The following GABBR2 variants were observed in gnomAD, a reference collection of about 807,000 sequenced individuals.
GABBR2 encodes G-protein coupled receptor 51.
In GABBR2, 23 loss-of-function variants were observed where a neutral mutation model predicts 105.6. That is an observed-to-expected ratio of 0.22 (90% confidence interval 0.16 to 0.31). The LOEUF is 0.31. Among genes scored for constraint, GABBR2 ranks in the 10% least tolerant of loss-of-function variants. GABBR2 has a pLI of 1.00. For synonymous variants in GABBR2, 478 were observed against 499.7 expected, an observed-to-expected ratio of 0.96 and a Z score of 0.58; for missense variants, 734 against 1,245.5, an observed-to-expected ratio of 0.59 and a Z score of 6.18.
At chr9:98,397,594 T>C (rs1832316897) in intron 8 of GABBR2, among the ~76,000 whole-genome samples, 2 of 152,342 alleles carry the variant, frequency 1.3e-5, no homozygotes, top group South Asian at 4.1e-4. Flanking sequence ...GTGGGCTCTA[T>C]GTGAAGTTCC....
chr9:98,607,988 T>C, intron 1 of GABBR2: 3 of 1,290,312 alleles, frequency 2.3e-6, no homozygotes, highest in Non-Finnish European at 3.3e-6. Flanking sequence ...TGAAAAGGAA[T>C]TTGGAAGCAC....
In GABBR2 at chr9:98,463,255, C is replaced by G. The variant is rs1826456294; in HGVS notation, c.1000-9038G>C. Among the ~76,000 whole-genome samples the G allele has an allele frequency of 2.0e-5, 3 of 152,148 alleles. No homozygotes were observed. The South Asian group carries it at 6.2e-4, about 32-fold the overall frequency. On this transcript the variant is annotated intron_variant, in intron 6 of 18. Coordinates refer to ENST00000259455, the MANE Select transcript of GABBR2 (RefSeq NM_005458.8). The stretch of plus-strand genomic sequence containing the variant: ...CTGAGAGAAATTAAAGAAGACCTAA[C>G]TAAATGCAGGGATATACACAATTCA...
At chr9:98,395,680 C>T (rs921928036) in intron 8 of GABBR2, among the ~76,000 whole-genome samples, 5 of 152,088 alleles carry the variant, frequency 3.3e-5, no homozygotes, top group Admixed American at 1.3e-4. Flanking sequence ...TGTCACATGC[C>T]ACAGAGAGGC....
intron 13 of GABBR2, among the ~76,000 whole-genome samples, chr9:98,346,267 C>G (rs55713623): frequency 0.014 from 2,115 of 152,358 alleles, 30 homozygotes; most frequent in Middle Eastern, 0.02. Context: ...TCAATCCTCT[C>G]AAACCCTGCT....
chr9:98,294,491 C>T (rs570484523), intron 17 of GABBR2, among the ~76,000 whole-genome samples: 1 of 151,888 alleles, frequency 6.6e-6, no homozygotes, highest in African/African-American at 2.4e-5. Flanking sequence ...TGTTCAACCT[C>T]GGCATCTTTT....
intron 7 of GABBR2, among the ~76,000 whole-genome samples, chr9:98,441,779 G>T (rs1346174714): frequency 6.6e-6 from 1 of 152,074 alleles, no homozygotes; most frequent in Non-Finnish European, 1.5e-5. Flanking sequence ...CATTGAATTT[G>T]TACACTTAAA....
At chr9:98,522,292 T>C (rs1827882973) in intron 3 of GABBR2, among the ~76,000 whole-genome samples, 1 of 151,960 alleles carries the variant, frequency 6.6e-6, no homozygotes, top group Non-Finnish European at 1.5e-5. Flanking sequence ...TTGATATTTC[T>C]AAAAAAGATA....
intron 1 of GABBR2, among the ~76,000 whole-genome samples, chr9:98,620,269 C>CTCTT (rs10693334): frequency 6.6e-6 from 1 of 150,662 alleles, no homozygotes; most frequent in Non-Finnish European, 1.5e-5. Flanking sequence ...CTCTCTCTCT[C>CTCTT]CCCGCTCCCA....
chr9:98,373,603 C>G (rs1831822706), intron 11 of GABBR2, among the ~76,000 whole-genome samples: 1 of 152,188 alleles, frequency 6.6e-6, no homozygotes, highest in Non-Finnish European at 1.5e-5. Context: ...GCTGACCAAC[C>G]TGTAACACCC....
At chr9:98,567,457 CTG>C (rs1828768098) in intron 2 of GABBR2, among the ~76,000 whole-genome samples, 1 of 152,000 alleles carries the variant, frequency 6.6e-6, no homozygotes, top group African/African-American at 2.4e-5. Flanking sequence ...TTCGCCTCTC[CTG>C]TAAGTTCTCT....
chr9:98,503,224 G>C (rs1451251225), intron 3 of GABBR2, among the ~76,000 whole-genome samples: 1 of 152,200 alleles, frequency 6.6e-6, no homozygotes, highest in Non-Finnish European at 1.5e-5. Flanking sequence ...CCTGTGACGG[G>C]AGGGAGCTGG....
In GABBR2 at chr9:98,686,117, C is replaced by T. The variant is rs577458521; in HGVS notation, c.321+22300G>A. On this transcript the variant is annotated intron_variant, in intron 1 of 18. Transcript: ENST00000259455. Reference sequence around the variant, plus strand: ...AAGCTGTCTTAGCTAGAAACCTTCACCCTTGATATCTGATCAAATCCTCAT... The same window carrying T: ...AAGCTGTCTTAGCTAGAAACCTTCATCCTTGATATCTGATCAAATCCTCAT... 3.3e-5 allele frequency among the ~76,000 whole-genome samples: 5 copies of T among 152,252 alleles called. No homozygotes were observed. The East Asian group carries it at 9.6e-4, about 29-fold the overall frequency.
chr9:98,447,818 G>C (rs1826163313), intron 7 of GABBR2, among the ~76,000 whole-genome samples: 1 of 151,986 alleles, frequency 6.6e-6, no homozygotes, highest in Admixed American at 6.6e-5. Context: ...TAGGGTGGGT[G>C]GTGGGGTGGT....
chr9:98,306,068 C>T lies in GABBR2; in HGVS notation c.2229+53G>A. On this transcript the variant is annotated intron_variant, in intron 15 of 18. Coordinates refer to ENST00000259455, the MANE Select transcript of GABBR2 (RefSeq NM_005458.8). The surrounding 1 kb of genome is among the most constrained non-coding windows in gnomAD (Gnocchi z 5.4). ...GAGAATGGAGAAAAGCCAGCAATGC[C>T]CCTGTGCTGGAGTCAGAGGGCAGAG... 8.3e-7 allele frequency: 1 copy of T among 1,205,554 alleles called. No homozygotes were observed. 74.7% of individuals were successfully genotyped at this position (1,205,554 alleles called of 1,614,324 possible). A position where few individuals can be genotyped will look rare whatever the true frequency, so the allele number is the denominator to read the frequency against.
intron 1 of GABBR2, among the ~76,000 whole-genome samples, chr9:98,687,579 C>G (rs1043937736): frequency 6.6e-6 from 1 of 152,152 alleles, no homozygotes; most frequent in Non-Finnish European, 1.5e-5. Flanking sequence ...CAGAGGCCTG[C>G]TCTGGGATCT....
At chr9:98,561,120 A>C (rs1828668490) in intron 2 of GABBR2, among the ~76,000 whole-genome samples, 1 of 152,114 alleles carries the variant, frequency 6.6e-6, no homozygotes. Flanking sequence ...TGATTACAAC[A>C]GGCCTAGGTT....
chr9:98,419,519 C>T (rs921221836), intron 7 of GABBR2, among the ~76,000 whole-genome samples: 2 of 152,142 alleles, frequency 1.3e-5, no homozygotes, highest in African/African-American at 4.8e-5. Flanking sequence ...GAGGACAGGA[C>T]CTGGGAGGAG....
At position 98,557,540 on chromosome 9, in the gene GABBR2, C is replaced by G. The variant is rs1307232385; in HGVS notation, c.460-15497G>C. Among the ~76,000 whole-genome samples the G allele has an allele frequency of 2.6e-5, 4 of 152,204 alleles. No individual in the cohort carries two copies. The East Asian group carries it at 7.7e-4, about 29-fold the overall frequency. On this transcript the variant is annotated intron_variant, in intron 2 of 18. Coordinates refer to ENST00000259455, the MANE Select transcript of GABBR2 (RefSeq NM_005458.8). Reference sequence around the variant, plus strand: ...TATTCAAGAGTGAATCAAAATCTTGCAAAGTACTGAGTTCCCCAGCACTGG... The same window carrying G: ...TATTCAAGAGTGAATCAAAATCTTGGAAAGTACTGAGTTCCCCAGCACTGG...
intron 1 of GABBR2, among the ~76,000 whole-genome samples, chr9:98,671,849 G>A (rs1340783673): frequency 1.3e-5 from 2 of 152,178 alleles, no homozygotes; most frequent in Non-Finnish European, 2.9e-5. Context: ...AGAGGCCACC[G>A]CTGTTGTCTC....
Sources: gnomAD v4.1 joint callset for allele counts (sites outside exome capture counted in the v4.1 genomes callset) on GRCh38, gnomAD v4.1.1 for gene constraint, Gnocchi (gnomAD v3.1) non-coding constraint, MANE v1.5 for transcripts, NCBI Gene and HGNC (gene_info 2026-07-23, HGNC 2026-07-21) for gene names.